The following TMTC2 variants were observed in gnomAD, a reference collection of about 807,000 sequenced individuals.
The protein encoded by TMTC2 is protein O-mannosyl-transferase TMTC2.
Under a neutral mutation model 82.4 loss-of-function variants are expected in TMTC2, and 43 were observed. The observed-to-expected ratio is 0.52, with a 90% CI of 0.41 to 0.67. The LOEUF (loss-of-function observed/expected upper bound fraction) is 0.67. TMTC2 is among the 30% of genes least tolerant of loss of function. The probability of loss-of-function intolerance (pLI) is 0.00; values close to 1 mark genes in which losing one functional copy is unlikely to be tolerated. For synonymous variants in TMTC2, 408 were observed against 381.9 expected, an observed-to-expected ratio of 1.07 and a Z score of -0.80; for missense variants, 919 against 1,012.4, an observed-to-expected ratio of 0.91 and a Z score of 1.25.
At chr12:82,983,378 A>T (rs1879013700) in intron 7 of TMTC2, among the ~76,000 whole-genome samples, 1 of 152,032 alleles carries the variant, frequency 6.6e-6, no homozygotes, top group Admixed American at 6.6e-5. Flanking sequence ...AAGCTTTACA[A>T]ATTATTAAGT....
chr12:82,883,481 T>C (rs1872939132), intron 2 of TMTC2, among the ~76,000 whole-genome samples: 1 of 152,214 alleles, frequency 6.6e-6, no homozygotes, highest in Non-Finnish European at 1.5e-5. Flanking sequence ...TCTATTATGG[T>C]ATCTTTGAGA....
At chr12:82,848,675 A>G (rs1344746446) in intron 1 of TMTC2, among the ~76,000 whole-genome samples, 1 of 152,174 alleles carries the variant, frequency 6.6e-6, no homozygotes, top group Non-Finnish European at 1.5e-5. Context: ...AGGGAATGTT[A>G]AGATCACCTG....
At chr12:82,761,884 T>TTCTTTC (rs141652120) in intron 1 of TMTC2, among the ~76,000 whole-genome samples, 12 of 150,018 alleles carry the variant, frequency 8.0e-5, no homozygotes, top group African/African-American at 2.2e-4. Flanking sequence ...CTTTCTTTCT[T>TTCTTTC]TCTCTCTCTT....
chr12:82,762,807 A>C (rs1429472057), intron 1 of TMTC2, among the ~76,000 whole-genome samples: 2 of 152,020 alleles, frequency 1.3e-5, no homozygotes, highest in South Asian at 2.1e-4. Context: ...AATGAATAGG[A>C]AAATACATGT....
At chr12:82,940,014 CTTTTT>C (rs71309537) in intron 4 of TMTC2, among the ~76,000 whole-genome samples, 3 of 91,248 alleles carry the variant, frequency 3.3e-5, no homozygotes, top group African/African-American at 8.6e-5. Flanking sequence ...TCTTTCTTTA[CTTTTT>C]TTTTTTTTTT....
chr12:82,803,673 A>G (rs1879114066), intron 1 of TMTC2, among the ~76,000 whole-genome samples: 1 of 152,102 alleles, frequency 6.6e-6, no homozygotes, highest in African/African-American at 2.4e-5. Flanking sequence ...TCCAGTAAAC[A>G]CACTGTGCAT....
chr12:83,067,034 C>T (rs1882944022), intron 11 of TMTC2, among the ~76,000 whole-genome samples: 1 of 151,730 alleles, frequency 6.6e-6, no homozygotes, highest in South Asian at 2.1e-4. Context: ...AGGGAATATA[C>T]AAAAGAGAAG....
chr12:83,074,246 T>C lies in TMTC2; in HGVS notation c.2331+12415T>C, dbSNP rs370773298. On this transcript the variant is annotated intron_variant, in intron 11 of 11. Transcript: ENST00000321196. The stretch of plus-strand genomic sequence containing the variant: ...CAAACTGCAGTGATTGTTGTCTCTC[T>C]TCAGGATCTAGCCACCCAGCAGTCT... Among the ~76,000 whole-genome samples the C allele has an allele frequency of 8.2e-4, 125 of 152,250 alleles. 3 individuals are homozygous for C. The South Asian group carries it at 0.025, about 30-fold the overall frequency.
At chr12:83,089,721 G>A (rs1883777578) in intron 11 of TMTC2, among the ~76,000 whole-genome samples, 1 of 152,044 alleles carries the variant, frequency 6.6e-6, no homozygotes. Flanking sequence ...GTGAGCAACA[G>A]GAGATTCTCA....
intron 1 of TMTC2, among the ~76,000 whole-genome samples, chr12:82,780,576 C>T (rs1483684138): frequency 6.6e-6 from 1 of 152,036 alleles, no homozygotes; most frequent in Non-Finnish European, 1.5e-5. Context: ...AGTTAGTTTG[C>T]ATGCTTCTTT....
chr12:82,948,723 C>A (rs778838083), intron 4 of TMTC2, among the ~76,000 whole-genome samples: 1 of 152,172 alleles, frequency 6.6e-6, no homozygotes, highest in Admixed American at 6.5e-5. Flanking sequence ...TGCACTAAAT[C>A]TCTGTGTGCC....
chr12:82,909,585 C>T (rs1874510864), intron 3 of TMTC2, among the ~76,000 whole-genome samples: 1 of 152,132 alleles, frequency 6.6e-6, no homozygotes, highest in Non-Finnish European at 1.5e-5. Context: ...TGTGATCCAC[C>T]CGCCTCAGCC....
intron 11 of TMTC2, among the ~76,000 whole-genome samples, chr12:83,102,312 G>A (rs943485024): frequency 6.6e-6 from 1 of 152,188 alleles, no homozygotes; most frequent in Non-Finnish European, 1.5e-5. Flanking sequence ...CTGTGAAGTA[G>A]TAGTGCCTGT....
intron 7 of TMTC2, among the ~76,000 whole-genome samples, chr12:82,983,530 TTA>T (rs908670345): frequency 1.3e-4 from 20 of 152,084 alleles, no homozygotes; most frequent in African/African-American, 4.6e-4. Context: ...ATTTTAAATA[TTA>T]ACAAAATAAT....
intron 7 of TMTC2, among the ~76,000 whole-genome samples, chr12:82,985,355 A>G (rs932730585): frequency 2.0e-5 from 3 of 152,226 alleles, no homozygotes; most frequent in Admixed American, 2.0e-4. Context: ...CCTGGCCTTA[A>G]TTTACTTGTT....
chr12:82,879,771 G>A (rs1212772207), intron 2 of TMTC2, among the ~76,000 whole-genome samples: 1 of 152,090 alleles, frequency 6.6e-6, no homozygotes, highest in Admixed American at 6.6e-5. Context: ...TTTAGAAAGG[G>A]CTACTTGAGA....
At chr12:82,867,338 C>A (rs769679988) in intron 2 of TMTC2, among the ~76,000 whole-genome samples, 28 of 152,134 alleles carry the variant, frequency 1.8e-4, no homozygotes, top group Non-Finnish European at 3.7e-4. Flanking sequence ...ATGCAGAGAT[C>A]ATAGTATTTC....
intron 1 of TMTC2, among the ~76,000 whole-genome samples, chr12:82,848,308 G>A (rs1447503358): frequency 2.0e-5 from 3 of 152,014 alleles, no homozygotes; most frequent in Non-Finnish European, 2.9e-5. Flanking sequence ...TGGAAGTATC[G>A]CCACAGTTTC....
Position 82,857,105 on chromosome 12 carries a change from G to A in TMTC2, c.179G>A (p.Gly60Asp). ...TGGGGGACTCTTCTAACCCACAGTG[G>A]CAGCCACAAGTCCTACCGGCCACTC... ...DFWGTLLTHS[G>D]SHKSYRPLCT... The change falls in exon 2 of 12, where the codon GGC becomes GAC. Residue 60 changes from glycine to aspartate, a missense_variant. Transcript: ENST00000321196. 6.2e-7 allele frequency: 1 copy of A among 1,613,858 alleles called. No individual in the cohort carries two copies. The highest frequency in any genetic ancestry group is 8.5e-7 in the Non-Finnish European group (1 of 1,180,018).
Sources: gnomAD v4.1 joint callset for allele counts (sites outside exome capture counted in the v4.1 genomes callset) on GRCh38, gnomAD v4.1.1 for gene constraint, MANE v1.5 for transcripts, NCBI Gene and HGNC (gene_info 2026-07-23, HGNC 2026-07-21) for gene names.